The following MECOM variants were observed in gnomAD, a reference collection of about 807,000 sequenced individuals.
MECOM encodes the protein histone-lysine N-methyltransferase MECOM.
In MECOM, 13 loss-of-function variants were observed where a neutral mutation model predicts 116.3. That is an observed-to-expected ratio of 0.11 (90% confidence interval 0.07 to 0.18). The LOEUF is 0.18. Ranked by LOEUF, MECOM falls within the 10% of genes least tolerant of loss-of-function variation. The probability of loss-of-function intolerance (pLI) is 1.00; values close to 1 mark genes in which losing one functional copy is unlikely to be tolerated. For synonymous variants in MECOM, 528 were observed against 535.2 expected, an observed-to-expected ratio of 0.99 and a Z score of 0.19; for missense variants, 1,299 against 1,509.0, an observed-to-expected ratio of 0.86 and a Z score of 2.31.
At chr3:169,422,132 G>T (rs780396251) in intron 1 of MECOM, among the ~76,000 whole-genome samples, 1 of 151,966 alleles carries the variant, frequency 6.6e-6, no homozygotes, top group Non-Finnish European at 1.5e-5. Context: ...AGGCTCATTT[G>T]TACCAATAAA....
chr3:169,124,593 G>GT lies in MECOM; in HGVS notation c.831-1867dup, dbSNP rs202068451. Among the ~76,000 whole-genome samples the GT allele has an allele frequency of 9.9e-3, 1,501 of 152,122 alleles. 21 individuals are homozygous for GT. Among genetic ancestry groups the GT allele is most frequent in the Non-Finnish European group, 0.015 (1,045 of 67,928 alleles). On this transcript the variant is annotated intron_variant, in intron 5 of 16. Coordinates refer to ENST00000651503, the MANE Select transcript of MECOM (RefSeq NM_004991.4). ...ATTTTTAATGTGGTATTGAACTTAT[G>GT]TTTTTAAGGAGTCCTTACTTTCTAT... is the stretch of plus-strand genomic sequence containing the variant.
intron 2 of MECOM, among the ~76,000 whole-genome samples, chr3:169,282,435 C>G (rs1386748640): frequency 6.6e-6 from 1 of 152,170 alleles, no homozygotes; most frequent in Non-Finnish European, 1.5e-5. Context: ...GAGAAGATAA[C>G]ATGTCTGTGT....
intron 2 of MECOM, among the ~76,000 whole-genome samples, chr3:169,317,265 T>C (rs12632175): frequency 0.071 from 10,810 of 152,240 alleles, 420 homozygotes; most frequent in East Asian, 0.16. Context: ...TGAATGATAC[T>C]AAAAAGTTTC....
chr3:169,626,788 G>T lies in MECOM; in HGVS notation c.37+36548C>A, dbSNP rs1771428619. On this transcript the variant is annotated intron_variant, in intron 1 of 16. Coordinates refer to ENST00000651503, the MANE Select transcript of MECOM (RefSeq NM_004991.4). ...CCTGGATGTCTTTTCTCTGCTCCTT[G>T]ACAATTCCATGTGAATTTTAAGGTT... 3.3e-5 allele frequency among the ~76,000 whole-genome samples: 5 copies of T among 151,992 alleles called. No homozygotes were observed. The South Asian group carries it at 1.0e-3, about 32-fold the overall frequency.
At chr3:169,245,773 A>G (rs1755510708) in intron 2 of MECOM, among the ~76,000 whole-genome samples, 1 of 152,202 alleles carries the variant, frequency 6.6e-6, no homozygotes, top group Non-Finnish European at 1.5e-5. Context: ...TGCACATTTC[A>G]TTATATGCTT....
intron 2 of MECOM, among the ~76,000 whole-genome samples, chr3:169,216,139 T>C (rs1265962573): frequency 6.6e-6 from 1 of 152,250 alleles, no homozygotes; most frequent in Non-Finnish European, 1.5e-5. Context: ...CACGAGTGTT[T>C]CCACGTCTTG....
intron 5 of MECOM, 123 bp from the exon 6 acceptor site, chr3:169,122,850 G>A (rs1731505696): frequency 1.3e-5 from 14 of 1,099,532 alleles, no homozygotes; most frequent in Non-Finnish European, 1.8e-5. Flanking sequence ...CTGAGAAGGA[G>A]GGAAGAGCAG....
Position 169,582,791 on chromosome 3 carries a change from T to C in MECOM, c.37+80545A>G, listed in dbSNP as rs1252801669. Among the ~76,000 whole-genome samples the C allele has an allele frequency of 2.0e-5, 3 of 152,256 alleles. No individual in the cohort carries two copies. In the East Asian group the frequency reaches 5.8e-4, roughly 29 times the overall value. On this transcript the variant is annotated intron_variant, in intron 1 of 16. Coordinates refer to ENST00000651503, the MANE Select transcript of MECOM (RefSeq NM_004991.4). The stretch of plus-strand genomic sequence containing the variant: ...GCAGCAGCCAGGAGGAGGCACATTG[T>C]ACAAGTTCCTTCCTAGAGCCTTCCT...
At chr3:169,459,728 G>T (rs181968181) in intron 1 of MECOM, among the ~76,000 whole-genome samples, 53 of 151,604 alleles carry the variant, frequency 3.5e-4, no homozygotes, top group Non-Finnish European at 6.9e-4. Context: ...CTTTCAACTT[G>T]ATTTACTAAT....
chr3:169,157,997 G>C (rs1414951160), intron 2 of MECOM, among the ~76,000 whole-genome samples: 1 of 152,108 alleles, frequency 6.6e-6, no homozygotes, highest in African/African-American at 2.4e-5. Flanking sequence ...AATGACTACA[G>C]GTTTAACATT....
At chr3:169,320,897 T>C (rs1431137230) in intron 2 of MECOM, among the ~76,000 whole-genome samples, 4 of 152,178 alleles carry the variant, frequency 2.6e-5, no homozygotes, top group Non-Finnish European at 5.9e-5. Context: ...CATATATTAC[T>C]TTCTAGGTTC....
intron 1 of MECOM, among the ~76,000 whole-genome samples, chr3:169,594,074 T>C (rs1002089788): frequency 5.4e-5 from 8 of 148,558 alleles, no homozygotes; most frequent in East Asian, 2.0e-4. Context: ...TGAGCCGAGA[T>C]TGCACCACTG....
At chr3:169,178,645 G>T (rs1330836307) in intron 2 of MECOM, among the ~76,000 whole-genome samples, 1 of 152,168 alleles carries the variant, frequency 6.6e-6, no homozygotes, top group Admixed American at 6.5e-5. Flanking sequence ...GTGCCCCCAT[G>T]ATAGGTTCTG....
chr3:169,391,019 C>A (rs1014086083), intron 1 of MECOM, among the ~76,000 whole-genome samples: 2 of 152,152 alleles, frequency 1.3e-5, no homozygotes, highest in African/African-American at 4.8e-5. Context: ...TGACTTGATG[C>A]AGACCCTTCC....
At chr3:169,165,803 C>G (rs1368112896) in intron 2 of MECOM, among the ~76,000 whole-genome samples, 1 of 152,104 alleles carries the variant, frequency 6.6e-6, no homozygotes, top group East Asian at 1.9e-4. Flanking sequence ...TAAATTATAA[C>G]TGCTGATTTG....
chr3:169,084,498 AT>A lies in MECOM; in HGVS notation c.*410del, dbSNP rs1717046040. 4.2e-6 allele frequency: 1 copy of A among 237,982 alleles called. No individual in the cohort carries two copies. The highest frequency in any genetic ancestry group is 8.2e-6 in the Non-Finnish European group (1 of 121,468). 14.7% of individuals were successfully genotyped at this position (237,982 alleles called of 1,614,324 possible). On this transcript the variant is annotated 3_prime_UTR_variant, in exon 17 of 17. Coordinates refer to ENST00000651503, the MANE Select transcript of MECOM (RefSeq NM_004991.4). ...TAATTAAAAGCAACTGTTCCCAATC[AT>A]GTCAGGTGATCTTGTACAAAAGAGA... is the stretch of plus-strand genomic sequence containing the variant.
At chr3:169,231,212 T>C (rs1348027722) in intron 2 of MECOM, among the ~76,000 whole-genome samples, 1 of 152,200 alleles carries the variant, frequency 6.6e-6, no homozygotes, top group Non-Finnish European at 1.5e-5. Flanking sequence ...ATGTAGTGCA[T>C]GCATAAAGTA....
intron 1 of MECOM, among the ~76,000 whole-genome samples, chr3:169,538,083 A>G (rs557253717): frequency 1.2e-4 from 18 of 152,272 alleles, no homozygotes; most frequent in African/African-American, 4.1e-4. Context: ...GTGCTGGTTA[A>G]AAGCACCCCA....
chr3:169,289,628 C>T (rs1310329270), intron 2 of MECOM, among the ~76,000 whole-genome samples: 2 of 152,184 alleles, frequency 1.3e-5, no homozygotes, highest in Admixed American at 6.5e-5. Context: ...ACCCTCATCT[C>T]TTACTCGGCA....
Sources: allele counts gnomAD v4.1 joint callset (sites outside exome capture counted in the v4.1 genomes callset), GRCh38; gene constraint gnomAD v4.1.1; transcripts MANE v1.5; gene names NCBI Gene and HGNC (gene_info 2026-07-23, HGNC 2026-07-21).